The following RFTN1 variants were observed in gnomAD, a reference collection of about 807,000 sequenced individuals.
The protein encoded by RFTN1 is raftlin, lipid raft linker 1.
RFTN1 carries 26 observed loss-of-function variants against 46.5 expected under a neutral mutation model. The ratio of observed to expected loss-of-function variants is 0.56; its 90% CI spans 0.41 to 0.78. RFTN1 has a LOEUF of 0.78. Among genes scored for constraint, RFTN1 ranks in the 30% least tolerant of loss-of-function variants. RFTN1 has a pLI of 0.00. For synonymous variants in RFTN1, 261 were observed against 284.2 expected, an observed-to-expected ratio of 0.92 and a Z score of 0.82; for missense variants, 693 against 718.7, an observed-to-expected ratio of 0.96 and a Z score of 0.41.
At chr3:16,398,145 G>C (rs1444912700) in intron 4 of RFTN1, among the ~76,000 whole-genome samples, 3 of 151,560 alleles carry the variant, frequency 2.0e-5, no homozygotes, top group African/African-American at 7.3e-5. Context: ...TACTCGGGAG[G>C]CTGAGGCAGG....
chr3:16,435,788 T>A (rs1264577034), intron 2 of RFTN1, among the ~76,000 whole-genome samples: 1 of 152,076 alleles, frequency 6.6e-6, no homozygotes, highest in Non-Finnish European at 1.5e-5. Flanking sequence ...AATAAATTCC[T>A]AGATGTGGAA....
intron 4 of RFTN1, among the ~76,000 whole-genome samples, chr3:16,390,919 G>A (rs2074328611): frequency 6.6e-6 from 1 of 152,186 alleles, no homozygotes; most frequent in African/African-American, 2.4e-5. Flanking sequence ...TTCTTTTAAA[G>A]TTTTTCCATC....
In RFTN1 at chr3:16,404,364, AATATATAAT is replaced by A. The variant is rs1464451984; in HGVS notation, c.441+5002_441+5010del. ...TATATAATATATAATATATATACAC[AATATATAAT>A]ATATATAATATATAATATATATACA... On this transcript the variant is annotated intron_variant, in intron 4 of 9. Coordinates refer to ENST00000334133, the MANE Select transcript of RFTN1 (RefSeq NM_015150.2). Among the ~76,000 whole-genome samples the A allele has an allele frequency of 1.0e-4, 4 of 39,610 alleles. 1 individual carries two copies. The highest frequency in any genetic ancestry group is 1.5e-4 in the Non-Finnish European group (4 of 26,170). The allele number at this position is 39,610 out of a possible 152,430, so 26.0% of individuals were successfully genotyped here.
At chr3:16,508,696 GCACACACA>G (rs3029330) in intron 1 of RFTN1, among the ~76,000 whole-genome samples, 2 of 65,746 alleles carry the variant, frequency 3.0e-5, no homozygotes, top group African/African-American at 4.7e-5. Flanking sequence ...TCACACGCAC[GCACACACA>G]CACACACACA....
intron 6 of RFTN1, among the ~76,000 whole-genome samples, chr3:16,360,212 CTT>C (rs375372147): frequency 7.9e-4 from 120 of 151,682 alleles, no homozygotes; most frequent in African/African-American, 2.9e-3. Flanking sequence ...CACTCTGTCT[CTT>C]AGACTGGAGT....
rs898160192 is a variant in RFTN1 at position 16,460,457 on chromosome 3, C to G, written c.146-26420G>C. Among the ~76,000 whole-genome samples the G allele has an allele frequency of 1.3e-5, 2 of 152,122 alleles. No homozygotes were observed. The highest frequency in any genetic ancestry group is 2.9e-5 in the Non-Finnish European group (2 of 68,030). On this transcript the variant is annotated intron_variant, in intron 2 of 9. Coordinates refer to ENST00000334133, the MANE Select transcript of RFTN1 (RefSeq NM_015150.2). This position sits in a 1 kb window ranked among gnomAD's most constrained non-coding sequence, Gnocchi z 4.8. The stretch of plus-strand genomic sequence containing the variant: ...TTTCCGGAGCCTGGTTTTATCTTAA[C>G]AGCCCTCATACTCCTTGGACCACAC...
chr3:16,409,412 G>A lies in RFTN1; in HGVS notation c.404C>T (p.Pro135Leu), dbSNP rs111844340. The A allele has an allele frequency of 7.6e-5, 122 of 1,613,406 alleles. No individual in the cohort carries two copies. The highest frequency in any genetic ancestry group is 5.0e-4 in the Middle Eastern group (3 of 6,060). The stretch of plus-strand genomic sequence containing the variant: ...CTCTGGGATGAGTTTCTGGTCTGTC[G>A]GGTGGTCTAAGGAGGAACAGCAATC... The part of the protein sequence containing the change: ...ELDCCSSLDH[P>L]TDQKLIPEFI... Residue 135 changes from proline (P) to leucine (L), a missense_variant, in exon 4 of 10, where the codon CCG becomes CTG. Physicochemically the swap from Pro to Leu is moderately conservative, Grantham distance 98. Transcript: ENST00000334133.
rs2076763177 is a variant in RFTN1, at chr3:16,504,232, C to T, written c.-9+9210G>A. The stretch of plus-strand genomic sequence containing the variant: ...AGCAGCCTTTCAGAAAAATAGCACA[C>T]ATAAACTGAAAGAAGAAATATTTTT... On this transcript the variant is annotated intron_variant, in intron 1 of 9. Coordinates refer to ENST00000334133, the MANE Select transcript of RFTN1 (RefSeq NM_015150.2). The surrounding 1 kb of genome is among the most constrained non-coding windows in gnomAD (Gnocchi z 4.4). 6.6e-6 allele frequency among the ~76,000 whole-genome samples: 1 copy of T among 152,186 alleles called. No homozygotes were observed. Among genetic ancestry groups the T allele is most frequent in the African/African-American group, 2.4e-5 (1 of 41,448 alleles).
At chr3:16,416,326 C>A in intron 3 of RFTN1, 2 of 383,660 alleles carry the variant, frequency 5.2e-6, no homozygotes, top group Non-Finnish European at 1.0e-5. Context: ...AATGGAGAAG[C>A]AACTAAGACA....
rs1166570924 is a variant in RFTN1 at position 16,346,376 on chromosome 3, G to A, written c.1146+11556C>T. On this transcript the variant is annotated intron_variant, in intron 7 of 9. Coordinates refer to ENST00000334133, the MANE Select transcript of RFTN1 (RefSeq NM_015150.2). The surrounding 1 kb of genome is among the most constrained non-coding windows in gnomAD (Gnocchi z 4.4). ...TATGAAGTGAAATATGGCTGTCTGA[G>A]AAAATAGGACAATTGAGTTTATGGA... is the stretch of plus-strand genomic sequence containing the variant. 1 of 152,166 alleles carries A rather than the reference G, an allele frequency of 6.6e-6. No homozygotes were observed. The highest frequency in any genetic ancestry group is 1.5e-5 in the Non-Finnish European group (1 of 68,032). The allele number at this position is 152,166 out of a possible 1,614,324, so 9.4% of individuals were successfully genotyped here.
chr3:16,467,811 T>C (rs2076126536), intron 2 of RFTN1, among the ~76,000 whole-genome samples: 1 of 152,148 alleles, frequency 6.6e-6, no homozygotes, highest in Non-Finnish European at 1.5e-5. Context: ...GTGAAAGCCT[T>C]TCACAGCAAA....
rs1468736781 is a variant in RFTN1 at position 16,387,379 on chromosome 3, TGACTTAAAGACAAAATC to T, written c.442-9294_442-9278del. On this transcript the variant is annotated intron_variant, in intron 4 of 9. Transcript: ENST00000334133. The surrounding 1 kb of genome is among the most constrained non-coding windows in gnomAD (Gnocchi z 5.2). ...CCCACTTTCCCACCACCTCCAGAGATGACTTAAAGACAAAATCGAGGTCAGAAGCTGAGAAGCCCATC... is the reference window on the plus strand; with the variant it reads ...CCCACTTTCCCACCACCTCCAGAGATGAGGTCAGAAGCTGAGAAGCCCATC... Among the ~76,000 whole-genome samples, 1 of 152,076 alleles carries T rather than the reference TGACTTAAAGACAAAATC, an allele frequency of 6.6e-6. No homozygotes were observed. Among genetic ancestry groups the T allele is most frequent in the East Asian group, 1.9e-4 (1 of 5,172 alleles).
rs1165107193 is a variant in RFTN1, at chr3:16,384,799, CAT to C, written c.442-6699_442-6698del. Among the ~76,000 whole-genome samples the C allele has an allele frequency of 6.6e-6, 1 of 152,166 alleles. No homozygotes were observed. Among genetic ancestry groups the C allele is most frequent in the Non-Finnish European group, 1.5e-5 (1 of 68,026 alleles). ...ATTTAAATATTCCTCTCCTTAGTCA[CAT>C]GAGTCACATTTCAAGCACCCACCAG... On this transcript the variant is annotated intron_variant, in intron 4 of 9. Coordinates refer to ENST00000334133, the MANE Select transcript of RFTN1 (RefSeq NM_015150.2). The surrounding 1 kb of genome is among the most constrained non-coding windows in gnomAD (Gnocchi z 4.7).
intron 2 of RFTN1, among the ~76,000 whole-genome samples, chr3:16,470,381 C>T (rs2076173961): frequency 6.6e-6 from 1 of 152,202 alleles, no homozygotes; most frequent in Admixed American, 6.5e-5. Context: ...GAGGTTTTGT[C>T]TCTGATGGCT....
In RFTN1 at chr3:16,475,452, C is replaced by G. The variant is rs1247738390; in HGVS notation, c.145+18273G>C. The stretch of plus-strand genomic sequence containing the variant: ...TACTGAACTAGAAGTTGAGATTGCC[C>G]CTTGGCTATTTTAGACTACCAATGC... On this transcript the variant is annotated intron_variant, in intron 2 of 9. Coordinates refer to ENST00000334133, the MANE Select transcript of RFTN1 (RefSeq NM_015150.2). This position sits in a 1 kb window ranked among gnomAD's most constrained non-coding sequence, Gnocchi z 4.2. Among the ~76,000 whole-genome samples, 1 of 152,156 alleles carries G rather than the reference C, an allele frequency of 6.6e-6. No homozygotes were observed. Among genetic ancestry groups the G allele is most frequent in the African/African-American group, 2.4e-5 (1 of 41,432 alleles).
At chr3:16,367,093 C>A (rs796812630) in intron 6 of RFTN1, among the ~76,000 whole-genome samples, 4,796 of 117,426 alleles carry the variant, frequency 0.041, no homozygotes, top group South Asian at 0.15. Flanking sequence ...TTATGGGACA[C>A]AGTTCTCATG....
Position 16,356,905 on chromosome 3 carries a change from A to C in RFTN1, c.1146+1027T>G, listed in dbSNP as rs1442511465. ...CAAGGCAGGCAGATCACTTGAGGTC[A>C]GGAGTTTGAGACCAGCCTGGCCAAC... is the stretch of plus-strand genomic sequence containing the variant. On this transcript the variant is annotated intron_variant, in intron 7 of 9. Transcript: ENST00000334133. The surrounding 1 kb of genome is among the most constrained non-coding windows in gnomAD (Gnocchi z 4.9). 6.6e-6 allele frequency among the ~76,000 whole-genome samples: 1 copy of C among 152,206 alleles called. No homozygotes were observed. Among genetic ancestry groups the C allele is most frequent in the Non-Finnish European group, 1.5e-5 (1 of 68,026 alleles).
intron 7 of RFTN1, among the ~76,000 whole-genome samples, chr3:16,357,012 G>T (rs1321636070): frequency 6.6e-6 from 1 of 151,896 alleles, no homozygotes; most frequent in Non-Finnish European, 1.5e-5. Context: ...CTACTCTGGA[G>T]GCTGAGGCAG....
intron 3 of RFTN1, among the ~76,000 whole-genome samples, chr3:16,417,570 C>T (rs2125461833): frequency 6.6e-6 from 1 of 152,292 alleles, no homozygotes; most frequent in Admixed American, 6.5e-5. Context: ...CAAACATCAA[C>T]TGTAAAACTG....
Sources: allele counts gnomAD v4.1 joint callset (sites outside exome capture counted in the v4.1 genomes callset), GRCh38; gene constraint gnomAD v4.1.1; non-coding constraint Gnocchi (gnomAD v3.1); transcripts MANE v1.5; gene names NCBI Gene and HGNC (gene_info 2026-07-23, HGNC 2026-07-21).